EEF1AKMT4: variants seen among roughly 807,000 people sequenced by gnomAD.
EEF1AKMT4 encodes the protein EEF1A lysine methyltransferase 4, also known as eukaryotic translation elongation factor 1 alpha lysine specific methyltransferase 4.
Under a neutral mutation model 23.0 loss-of-function variants are expected in EEF1AKMT4, and 17 were observed. The ratio of observed to expected loss-of-function variants is 0.74; its 90% CI spans 0.51 to 1.11. EEF1AKMT4 has a LOEUF of 1.11. EEF1AKMT4 is among the 50% of genes least tolerant of loss of function. The pLI, the probability that EEF1AKMT4 is intolerant of heterozygous loss-of-function variation, is 0.00. For missense variants in EEF1AKMT4, 318 were observed against 333.4 expected (o/e 0.95, Z 0.36); for synonymous variants, 140 against 141.4 (o/e 0.99, Z 0.07).
intron 1 of EEF1AKMT4, among the ~76,000 whole-genome samples, chr3:184,253,428 T>G (rs1270785673): frequency 2.0e-5 from 3 of 152,142 alleles, no homozygotes; most frequent in Non-Finnish European, 4.4e-5. Flanking sequence ...ATGACTACAT[T>G]GTGAATTATA....
intron 1 of EEF1AKMT4, among the ~76,000 whole-genome samples, chr3:184,254,194 T>C (rs1397926885): frequency 6.6e-6 from 1 of 152,100 alleles, no homozygotes; most frequent in East Asian, 1.9e-4. Flanking sequence ...CAAATGAATG[T>C]ATATGGATGG....
At position 184,258,390 on chromosome 3, in the gene EEF1AKMT4, CT is replaced by C. The variant is rs1434078786; in HGVS notation, c.584del (p.Leu195ArgfsTer103). 1 of 1,613,954 alleles carries C rather than the reference CT, an allele frequency of 6.2e-7. No homozygotes were observed. Among genetic ancestry groups the C allele is most frequent in the South Asian group, 1.1e-5 (1 of 91,088 alleles). ...HYAQAYYGWS[L>X]RHATYGSGFH... ...TGCCCAAGCCTATTATGGCTGGTCC[CT>C]GAGGCATGCTACCTATGGCAGCGGT... On this transcript the variant is annotated frameshift_variant, in exon 3 of 3. Transcript: ENST00000324557. LOFTEE classifies it high-confidence loss of function.
intron 1 of EEF1AKMT4, among the ~76,000 whole-genome samples, chr3:184,255,793 C>T (rs760453484): frequency 8.4e-4 from 128 of 152,238 alleles, no homozygotes; most frequent in African/African-American, 1.3e-3. Context: ...GTCAGCTCCC[C>T]GGAAACTCTT....
chr3:184,252,046 T>C (rs763795900), intron 1 of EEF1AKMT4, among the ~76,000 whole-genome samples: 29 of 152,216 alleles, frequency 1.9e-4, no homozygotes, highest in Admixed American at 8.5e-4. Flanking sequence ...TAGATTTACC[T>C]TAGATCTGTT....
At chr3:184,250,821 C>G in intron 1 of EEF1AKMT4, among the ~76,000 whole-genome samples, 1 of 152,188 alleles carries the variant, frequency 6.6e-6, no homozygotes. Context: ...CGGTGGCTCA[C>G]GCCATTAATC....
At chr3:184,249,962 G>A (rs2108446561) in intron 1 of EEF1AKMT4, 72 bp downstream of exon 1, 2 of 1,496,508 alleles carry the variant, frequency 1.3e-6, no homozygotes, top group Middle Eastern at 1.9e-4. Context: ...GGCCTGGTCC[G>A]CTTTCCTCCC....
intron 2 of EEF1AKMT4, 54 bp from the exon 3 acceptor site, chr3:184,258,233 CT>C: frequency 6.6e-7 from 1 of 1,521,286 alleles, no homozygotes. Flanking sequence ...CAGTACTGAC[CT>C]TTGAGAACCT....
In EEF1AKMT4 at chr3:184,257,664, A is replaced by C; in HGVS notation, c.388A>C (p.Lys130Gln). 1 of 1,614,172 alleles carries C rather than the reference A, an allele frequency of 6.2e-7. No homozygotes were observed. The highest frequency in any genetic ancestry group is 8.5e-7 in the Non-Finnish European group (1 of 1,180,044). The part of the protein sequence containing the change: ...PSASFDVVLE[K>Q]GTLDALLAGE... ...TGCTTCTTTTGATGTGGTGCTCGAG[A>C]AGGGCACGCTGGATGCCCTGCTGGC... is the stretch of plus-strand genomic sequence containing the variant. Residue 130 changes from lysine (K) to glutamine (Q), a missense_variant, in exon 2 of 3, where the codon AAG becomes CAG. Transcript: ENST00000324557.
At chr3:184,252,399 C>A (rs981988804) in intron 1 of EEF1AKMT4, among the ~76,000 whole-genome samples, 2 of 152,210 alleles carry the variant, frequency 1.3e-5, no homozygotes, top group African/African-American at 4.8e-5. Context: ...CATTCCACCT[C>A]AACAGACTTA....
At chr3:184,255,043 C>T (rs1327025536) in intron 1 of EEF1AKMT4, among the ~76,000 whole-genome samples, 1 of 152,152 alleles carries the variant, frequency 6.6e-6, no homozygotes, top group Non-Finnish European at 1.5e-5. Flanking sequence ...GCCCCAGTGA[C>T]CAGCTTTTGT....
At chr3:184,252,591 C>T (rs935855745) in intron 1 of EEF1AKMT4, among the ~76,000 whole-genome samples, 3 of 152,152 alleles carry the variant, frequency 2.0e-5, no homozygotes, top group Non-Finnish European at 2.9e-5. Context: ...GCTACACAGT[C>T]TCTTTTACAA....
chr3:184,258,232 C>T (rs1330889993), intron 2 of EEF1AKMT4, 56 bp from the exon 3 acceptor site: 9 of 1,508,440 alleles, frequency 6.0e-6, no homozygotes, highest in East Asian at 2.3e-5. Flanking sequence ...GCAGTACTGA[C>T]CTTTGAGAAC....
chr3:184,249,948 G>A, intron 1 of EEF1AKMT4, 58 bp downstream of exon 1: 1 of 1,558,320 alleles, frequency 6.4e-7, no homozygotes, highest in Non-Finnish European at 8.7e-7. Flanking sequence ...CGCCGCATGG[G>A]CTTGGCCTGG....
intron 2 of EEF1AKMT4, 129 bp downstream of exon 2, chr3:184,257,885 T>C: frequency 8.3e-7 from 1 of 1,201,984 alleles, no homozygotes; most frequent in South Asian, 1.5e-5. Context: ...CTCAGGAGTG[T>C]GGCTCTCTGA....
intron 1 of EEF1AKMT4, among the ~76,000 whole-genome samples, chr3:184,251,113 C>G (rs1239591368): frequency 1.6e-5 from 2 of 128,234 alleles, no homozygotes; most frequent in African/African-American, 6.2e-5. Context: ...AAGAAAAGAA[C>G]TTGGACTCTG....
chr3:184,249,858 A>T lies in EEF1AKMT4; in HGVS notation c.164A>T (p.Glu55Val). Residue 55 changes from glutamate (E) to valine (V), a missense_variant, in exon 1 of 3, where the codon GAG (glutamate) becomes GTG (valine). Glu to Val is a moderately radical substitution (Grantham distance 121). Coordinates refer to ENST00000324557, the MANE Select transcript of EEF1AKMT4 (RefSeq NM_032331.4). ...FSSFRALLEP[E>V]LRPEDRILVL... Reference sequence around the variant, plus strand: ...TCCTTCCGTGCCCTCCTAGAGCCGGAGCTGCGGCCCGAGGACCGTATCCTT... The same window carrying T: ...TCCTTCCGTGCCCTCCTAGAGCCGGTGCTGCGGCCCGAGGACCGTATCCTT... 6.2e-7 allele frequency: 1 copy of T among 1,612,790 alleles called. No homozygotes were observed. Among genetic ancestry groups the T allele is most frequent in the Non-Finnish European group, 8.5e-7 (1 of 1,179,768 alleles).
chr3:184,249,690 AG>A lies in EEF1AKMT4; in HGVS notation c.-4del. The A allele has an allele frequency of 6.3e-7, 1 of 1,589,104 alleles. No individual in the cohort carries two copies. Among genetic ancestry groups the A allele is most frequent in the Non-Finnish European group, 8.6e-7 (1 of 1,162,808 alleles). ...GGCGGCTCTGGCTGCCCGGCGGTTG[AG>A]AGCATGGCCTCTCCAGGGGCAGGTA... On this transcript the variant is annotated 5_prime_UTR_variant, in exon 1 of 3. Coordinates refer to ENST00000324557, the MANE Select transcript of EEF1AKMT4 (RefSeq NM_032331.4).
chr3:184,250,355 C>G (rs952592931), intron 1 of EEF1AKMT4, among the ~76,000 whole-genome samples: 9 of 152,216 alleles, frequency 5.9e-5, no homozygotes, highest in Non-Finnish European at 1.2e-4. Flanking sequence ...TCTTTTTGCC[C>G]CTGGGCACTG....
intron 1 of EEF1AKMT4, among the ~76,000 whole-genome samples, chr3:184,251,580 A>G (rs952313499): frequency 2.0e-5 from 3 of 152,020 alleles, no homozygotes; most frequent in African/African-American, 7.2e-5. Context: ...GCCTGTGCCC[A>G]TAGTCCGAGT....
Sources: gnomAD v4.1 joint callset for allele counts (sites outside exome capture counted in the v4.1 genomes callset) on GRCh38, gnomAD v4.1.1 for gene constraint, MANE v1.5 for transcripts, NCBI Gene and HGNC (gene_info 2026-07-23, HGNC 2026-07-21) for gene names.